Variants in POLR2H observed in about 807,000 individuals in gnomAD.
POLR2H encodes DNA-directed RNA polymerases I, II, and III subunit RPABC3.
A neutral mutation model predicts 18.1 loss-of-function variants in POLR2H; 3 were observed. That is an observed-to-expected ratio of 0.17 (90% CI 0.08 to 0.43). The LOEUF (loss-of-function observed/expected upper bound fraction) is 0.43. Ranked by LOEUF, POLR2H falls within the 20% of genes least tolerant of loss-of-function variation. The pLI is 0.99. For synonymous variants in POLR2H, 76 were observed against 69.0 expected (o/e 1.10, Z -0.50); for missense variants, 103 against 184.6 (o/e 0.56, Z 2.56).
At chr3:184,363,681 G>A (rs1403415909) in intron 2 of POLR2H, 116 bp downstream of exon 2, 25 of 711,854 alleles carry the variant, frequency 3.5e-5, no homozygotes. Context: ...TCCTGGTGTA[G>A]GGACCTCCCT....
chr3:184,367,219 A>G (rs1477752345), intron 5 of POLR2H, among the ~76,000 whole-genome samples: 1 of 150,168 alleles, frequency 6.7e-6, no homozygotes, highest in Non-Finnish European at 1.5e-5. Flanking sequence ...CTGTCCAGCT[A>G]TTTTTTCTTT....
intron 4 of POLR2H, 145 bp downstream of exon 4, chr3:184,365,371 T>A: frequency 1.5e-6 from 1 of 683,206 alleles, no homozygotes; most frequent in South Asian, 1.7e-5. Flanking sequence ...CACTTAAGAA[T>A]TCAAACAGGC....
rs1712459369 is a variant in POLR2H, at chr3:184,362,887, A to T, written c.-606A>T. ...CTTCTCCATAGCGACGTCATGGCAA[A>T]TTCCCAAACTGGACGGATCCGGCTC... On this transcript the variant is annotated 5_prime_UTR_variant, in exon 2 of 6. Coordinates refer to ENST00000456318, the MANE Select transcript of POLR2H (RefSeq NM_006232.5). The surrounding 1 kb of genome is among the most constrained non-coding windows in gnomAD (Gnocchi z 5.9). The T allele has an allele frequency of 6.4e-6, 1 of 157,310 alleles. No individual in the cohort carries two copies. Among genetic ancestry groups the T allele is most frequent in the South Asian group, 1.8e-4 (1 of 5,654 alleles). The allele number at this position is 157,310 out of a possible 1,614,324, so 9.7% of individuals were successfully genotyped here.
Position 184,368,301 on chromosome 3 carries a change from C to T in POLR2H, c.*7C>T. The T allele has an allele frequency of 6.4e-7, 1 of 1,572,632 alleles. No individual in the cohort carries two copies. The highest frequency in any genetic ancestry group is 8.6e-7 in the Non-Finnish European group (1 of 1,156,924). Reference sequence around the variant, plus strand: ...GAAGAAGCTAGCCTTCTGAACCTCGCCTGAAGCCAGCCTCTCTGCCAAGTC... The same window carrying T: ...GAAGAAGCTAGCCTTCTGAACCTCGTCTGAAGCCAGCCTCTCTGCCAAGTC... On this transcript the variant is annotated 3_prime_UTR_variant, in exon 6 of 6. Coordinates refer to ENST00000456318, the MANE Select transcript of POLR2H (RefSeq NM_006232.5).
Position 184,363,369 on chromosome 3 carries a change from C to A in POLR2H, c.-124C>A. On this transcript the variant is annotated 5_prime_UTR_variant, in exon 2 of 6. It adds an upstream start codon to the 5' untranslated region. Coordinates refer to ENST00000456318, the MANE Select transcript of POLR2H (RefSeq NM_006232.5). ...GTTTGTGCGCATGCGCCACTCTCGT[C>A]TGGCCGCCGCGCTTTCAGGAGGTGC... 2.5e-6 allele frequency: 2 copies of A among 792,568 alleles called. No homozygotes were observed. Among genetic ancestry groups the A allele is most frequent in the South Asian group, 2.9e-5 (2 of 68,778 alleles). 49.1% of individuals were successfully genotyped at this position (792,568 alleles called of 1,614,324 possible).
chr3:184,363,383 T>C lies in POLR2H; in HGVS notation c.-110T>C, dbSNP rs192458357. 2.4e-5 allele frequency: 22 copies of C among 907,980 alleles called. No individual in the cohort carries two copies. Among genetic ancestry groups the C allele is most frequent in the Middle Eastern group, 4.5e-4 (2 of 4,494 alleles). 56.2% of individuals were successfully genotyped at this position (907,980 alleles called of 1,614,324 possible). ...GCCACTCTCGTCTGGCCGCCGCGCT[T>C]TCAGGAGGTGCTTTTGGTTCTCTCC... On this transcript the variant is annotated 5_prime_UTR_variant, in exon 2 of 6. Coordinates refer to ENST00000456318, the MANE Select transcript of POLR2H (RefSeq NM_006232.5).
chr3:184,363,308 C>G lies in POLR2H; in HGVS notation c.-185C>G, dbSNP rs1712588476. On this transcript the variant is annotated 5_prime_UTR_variant, in exon 2 of 6. Transcript: ENST00000456318. ...GGGACGGAAGTTAAGTAGCCCCGAG[C>G]GGGAGGCTGTGGCGGAAGTGGTCGC... The G allele has an allele frequency of 3.1e-6, 2 of 637,486 alleles. No homozygotes were observed. Among genetic ancestry groups the G allele is most frequent in the Non-Finnish European group, 5.7e-6 (2 of 351,014 alleles). The allele number at this position is 637,486 out of a possible 1,614,324, so 39.5% of individuals were successfully genotyped here. A position where few individuals can be genotyped will look rare whatever the true frequency, so the allele number is the denominator to read the frequency against.
At chr3:184,366,477 A>G (rs41560114) in intron 4 of POLR2H, 7,942 of 309,532 alleles carry the variant, frequency 0.026, 143 homozygotes, top group Non-Finnish European at 0.035. Context: ...AGCTGGGACT[A>G]CAGGAGCCCA....
rs1175423171 is a variant in POLR2H at position 184,363,221 on chromosome 3, G to A, written c.-272G>A. On this transcript the variant is annotated 5_prime_UTR_variant, in exon 2 of 6. Coordinates refer to ENST00000456318, the MANE Select transcript of POLR2H (RefSeq NM_006232.5). ...TACAGCCTATTGCTTCCCCGCCCTG[G>A]GCAGAGCCACCTGGACATGAGACCC... is the stretch of plus-strand genomic sequence containing the variant. The A allele has an allele frequency of 1.3e-5, 7 of 524,706 alleles. No individual in the cohort carries two copies. The highest frequency in any genetic ancestry group is 2.1e-5 in the Non-Finnish European group (6 of 288,054). 32.5% of individuals were successfully genotyped at this position (524,706 alleles called of 1,614,324 possible).
intron 2 of POLR2H, 81 bp downstream of exon 2, chr3:184,363,646 C>G (rs1712712618): frequency 9.2e-7 from 1 of 1,085,702 alleles, no homozygotes; most frequent in Non-Finnish European, 1.4e-6. Context: ...CCACCCAGCT[C>G]TTGTGGCCTG....
chr3:184,368,165 C>T lies in POLR2H; in HGVS notation c.336-12C>T. 1 of 1,614,060 alleles carries T rather than the reference C, an allele frequency of 6.2e-7. No individual in the cohort carries two copies. The highest frequency in any genetic ancestry group is 1.1e-5 in the South Asian group (1 of 91,070). Reference sequence around the variant, plus strand: ...GTGCTCCAGAATCACGGGATGGGGCCTTCTGTTTCAGCTCTGCGTACGTGT... The same window carrying T: ...GTGCTCCAGAATCACGGGATGGGGCTTTCTGTTTCAGCTCTGCGTACGTGT... On this transcript the variant is annotated splice_polypyrimidine_tract_variant and intron_variant, in intron 5 of 5. Coordinates refer to ENST00000456318, the MANE Select transcript of POLR2H (RefSeq NM_006232.5).
At chr3:184,365,391 T>C in intron 4 of POLR2H, 165 bp downstream of exon 4, 1 of 642,464 alleles carries the variant, frequency 1.6e-6, no homozygotes, top group Non-Finnish European at 2.8e-6. Flanking sequence ...CCAGGCACCG[T>C]GGCTCACACC....
intron 4 of POLR2H, among the ~76,000 whole-genome samples, chr3:184,365,993 GA>G (rs1272127922): frequency 6.9e-6 from 1 of 145,918 alleles, no homozygotes; most frequent in Admixed American, 6.8e-5. Flanking sequence ...AAAAAAAAAA[GA>G]AAAAAATTCA....
At chr3:184,365,423 G>A (rs1041231824) in intron 4 of POLR2H, 197 bp downstream of exon 4, 8 of 595,586 alleles carry the variant, frequency 1.3e-5, no homozygotes, top group Non-Finnish European at 2.4e-5. Flanking sequence ...CACTTTGGGA[G>A]GCCGAGGCAG....
At chr3:184,366,109 T>G (rs1343196625) in intron 4 of POLR2H, among the ~76,000 whole-genome samples, 1 of 152,174 alleles carries the variant, frequency 6.6e-6, no homozygotes, top group Non-Finnish European at 1.5e-5. Context: ...GTGGGTCTTG[T>G]GTCTTGGGAG....
In POLR2H at chr3:184,368,268, C is replaced by T. The variant is rs371725822; in HGVS notation, c.427C>T (p.Leu143Phe). Residue 143 changes from leucine to phenylalanine, a missense_variant, in exon 6 of 6, where the codon CTC (leucine) becomes TTC (phenylalanine). Physicochemically the swap from Leu to Phe is conservative, Grantham distance 22. Transcript: ENST00000456318. ...ATTCGAGGTGGACTCCAGAGTTTAT[C>T]TCCTGATGAAGAAGCTAGCCTTCTG... ...HGFEVDSRVYLLMKKLAF is the reference protein window; with the variant it reads ...HGFEVDSRVYFLMKKLAF 6 of 1,606,832 alleles carry T rather than the reference C, an allele frequency of 3.7e-6. No individual in the cohort carries two copies. The highest frequency in any genetic ancestry group is 4.3e-6 in the Non-Finnish European group (5 of 1,175,388).
chr3:184,366,377 G>A (rs958543212), intron 4 of POLR2H: 53 of 155,732 alleles, frequency 3.4e-4, no homozygotes, highest in Non-Finnish European at 2.7e-4. Flanking sequence ...TTGCTCTGTG[G>A]CCCAGGCTGG....
intron 5 of POLR2H, among the ~76,000 whole-genome samples, chr3:184,367,426 T>G (rs1713505207): frequency 6.6e-6 from 1 of 152,182 alleles, no homozygotes; most frequent in Non-Finnish European, 1.5e-5. Flanking sequence ...TTCTGCTCTT[T>G]TTGCTTAACA....
At chr3:184,363,888 C>G (rs570788556) in intron 2 of POLR2H, among the ~76,000 whole-genome samples, 273 of 152,228 alleles carry the variant, frequency 1.8e-3, no homozygotes, top group South Asian at 7.0e-3. Context: ...CCGTCTCTAC[C>G]AAAAATACAA....
Sources: gnomAD v4.1 joint callset for allele counts (sites outside exome capture counted in the v4.1 genomes callset) on GRCh38, gnomAD v4.1.1 for gene constraint, Gnocchi (gnomAD v3.1) non-coding constraint, MANE v1.5 for transcripts, NCBI Gene and HGNC (gene_info 2026-07-23, HGNC 2026-07-21) for gene names.